MYO15A: variants seen among roughly 807,000 people sequenced by gnomAD.
The protein encoded by MYO15A is unconventional myosin-XV.
Under a neutral mutation model 394.6 loss-of-function variants are expected in MYO15A, and 308 were observed. The observed-to-expected ratio is 0.78, with a 90% confidence interval of 0.71 to 0.86. MYO15A has a LOEUF of 0.86. Among genes scored for constraint, MYO15A ranks in the 40% least tolerant of loss-of-function variants. The pLI, the probability that MYO15A is intolerant of heterozygous loss-of-function variation, is 0.00. For synonymous variants in MYO15A, 1,957 were observed against 2,003.8 expected, an observed-to-expected ratio of 0.98 and a Z score of 0.62; for missense variants, 4,606 against 4,799.1, an observed-to-expected ratio of 0.96 and a Z score of 1.19.
chr17:18,169,157 T>TAATTAA lies in MYO15A; in HGVS notation c.10082+1436_10082+1437insTTAAAA, dbSNP rs369888022. On this transcript the variant is annotated intron_variant, in intron 62 of 65. Transcript: ENST00000647165. ...ATAATAATAATAATAATAATAATAA[T>TAATTAA]AAAAATAGGCTGGGCACAGTGGCTC... 9.2e-4 allele frequency among the ~76,000 whole-genome samples: 85 copies of TAATTAA among 92,132 alleles called. 1 individual carries two copies. Among genetic ancestry groups the TAATTAA allele is most frequent in the Admixed American group, 7.5e-3 (72 of 9,606 alleles). The allele number at this position is 92,132 out of a possible 152,430, so 60.4% of individuals were successfully genotyped here. A position where few individuals can be genotyped will look rare whatever the true frequency, so the allele number is the denominator to read the frequency against.
At chr17:18,175,824 C>A (rs906023198) in intron 65 of MYO15A, among the ~76,000 whole-genome samples, 2 of 152,158 alleles carry the variant, frequency 1.3e-5, no homozygotes, top group African/African-American at 2.4e-5. Context: ...GGGAGTCCTT[C>A]CCATCCCTGT....
At chr17:18,154,002 G>C (rs1027467738) in intron 43 of MYO15A, 106 bp downstream of exon 43, 4 of 1,605,436 alleles carry the variant, frequency 2.5e-6, no homozygotes, top group Non-Finnish European at 3.4e-6. Flanking sequence ...CAGGAGGACA[G>C]AAAAAGGCCG....
intron 55 of MYO15A, 25 bp from the exon 56 acceptor site, chr17:18,159,910 G>A (rs375462035): frequency 6.2e-6 from 10 of 1,612,754 alleles, no homozygotes; most frequent in Non-Finnish European, 7.6e-6. Context: ...TGTCTTTGGT[G>A]TGTAACCTCC....
Position 18,172,214 on chromosome 17 carries a change from G to A in MYO15A, c.10274G>A (p.Ser3425Asn). ...GSSFFFIQSCSNIAVPAPCIL... is the reference protein window; with the variant it reads ...GSSFFFIQSCNNIAVPAPCIL... ...TCCTTCTTCTTCATCCAGAGCTGCA[G>A]CAACATTGCTGTGCCAGCCCCTTGC... is the stretch of plus-strand genomic sequence containing the variant. Residue 3425 changes from serine (S) to asparagine (N), a missense_variant, in exon 64 of 66, where the codon AGC becomes AAC. Transcript: ENST00000647165. 6.2e-7 allele frequency: 1 copy of A among 1,614,216 alleles called. No homozygotes were observed. The highest frequency in any genetic ancestry group is 8.5e-7 in the Non-Finnish European group (1 of 1,180,048).
chr17:18,143,538 C>T (rs2046419399), intron 25 of MYO15A, 28 bp from the exon 26 acceptor site: 1 of 1,550,778 alleles, frequency 6.4e-7, no homozygotes, highest in Non-Finnish European at 8.7e-7. Context: ...GCCTGCCACT[C>T]CCCAACCTGA....
chr17:18,120,797 C>A lies in MYO15A; in HGVS notation c.1997C>A (p.Pro666His). 1.5e-6 allele frequency: 2 copies of A among 1,304,996 alleles called. No homozygotes were observed. The highest frequency in any genetic ancestry group is 3.6e-5 in the East Asian group (1 of 27,420). 80.8% of individuals were successfully genotyped at this position (1,304,996 alleles called of 1,614,324 possible). A position where few individuals can be genotyped will look rare whatever the true frequency, so the allele number is the denominator to read the frequency against. ...AGCGCGCTCCTGTCTCCGCCCGTGCCCCCGCGGCCCCCAAGCTCCGGGCCC... is the reference window on the plus strand; with the variant it reads ...AGCGCGCTCCTGTCTCCGCCCGTGCACCCGCGGCCCCCAAGCTCCGGGCCC... The part of the protein sequence containing the change: ...HWSALLSPPV[P>H]PRPPSSGPPP... Residue 666 changes from proline (P) to histidine (H), a missense_variant, in exon 2 of 66, where the codon CCC (proline) becomes CAC (histidine). Pro to His is a moderately conservative substitution (Grantham distance 77). This residue lies in a region of MYO15A where 1,830 missense variants were observed against 1,689.7 expected (regional missense o/e 1.08). Coordinates refer to ENST00000647165, the MANE Select transcript of MYO15A (RefSeq NM_016239.4).
At position 18,178,981 on chromosome 17, in the gene MYO15A, AG is replaced by A; in HGVS notation, c.*113del. 1.8e-6 allele frequency: 2 copies of A among 1,110,026 alleles called. No homozygotes were observed. The highest frequency in any genetic ancestry group is 2.6e-6 in the Non-Finnish European group (2 of 755,842). The allele number at this position is 1,110,026 out of a possible 1,614,324, so 68.8% of individuals were successfully genotyped here. ...CCCCTGTAAGGGGCCAGAGCCTTGG[AG>A]GACACTAAGAGGAGGCAGGAGGAGC... On this transcript the variant is annotated 3_prime_UTR_variant, in exon 66 of 66. Coordinates refer to ENST00000647165, the MANE Select transcript of MYO15A (RefSeq NM_016239.4).
chr17:18,115,764 A>G (rs2045776311), intron 1 of MYO15A, among the ~76,000 whole-genome samples: 1 of 151,900 alleles, frequency 6.6e-6, no homozygotes. Flanking sequence ...CTCACCACCC[A>G]GTGCACCCCC....
In MYO15A at chr17:18,158,573, G is replaced by A; in HGVS notation, c.9018G>A (p.Ala3006=). 6.2e-7 allele frequency: 1 copy of A among 1,614,152 alleles called. No homozygotes were observed. Among genetic ancestry groups the A allele is most frequent in the South Asian group, 1.1e-5 (1 of 91,084 alleles). Residue 3006 remains alanine (A), a synonymous_variant, in exon 52 of 66, where the codon GCG becomes GCA. Transcript: ENST00000647165. ...RSADHGEDAL[A]LPPYTMLEFA... ...CTGACCATGGGGAGGACGCCCTGGC[G>A]CTCCCACCCTACACAATGCTCGAGT...
rs758778507 is a variant in MYO15A, at chr17:18,125,204, G to C, written c.3729G>C (p.Lys1243Asn). Residue 1243 changes from lysine to asparagine, a missense_variant, in exon 4 of 66, where the codon AAG becomes AAC. By Grantham distance (94) the Lys-to-Asn change is moderately conservative (BLOSUM62 0). This residue lies in a region of MYO15A where 2,776 missense variants were observed against 3,109.3 expected (regional missense o/e 0.89). Coordinates refer to ENST00000647165, the MANE Select transcript of MYO15A (RefSeq NM_016239.4). The stretch of plus-strand genomic sequence containing the variant: ...AAACCACTGTGCTGTCCAACCTCAA[G>C]ATTAGATTTGAACGGAACCTCATCT... ...LQETTVLSNL[K>N]IRFERNLIYT... The C allele has an allele frequency of 6.2e-7, 1 of 1,614,044 alleles. No homozygotes were observed. Among genetic ancestry groups the C allele is most frequent in the Non-Finnish European group, 8.5e-7 (1 of 1,180,046 alleles).
rs1460369043 is a variant in MYO15A, at chr17:18,173,904, C to T, written c.10474C>T (p.Gln3492Ter). Residue 3492 changes from glutamine to a stop codon, truncating the protein, a stop_gained, in exon 65 of 66, where the codon CAG becomes TAG. Coordinates refer to ENST00000647165, the MANE Select transcript of MYO15A (RefSeq NM_016239.4). LOFTEE classifies it high-confidence loss of function. ...GGACGTGGCGGCCCAGCGCACCTTG[C>T]AGCTGCAGCTGGAGCAGGTGGGCCC... ...LGDVAAQRTL[Q>*]LQLEQGLELC... The T allele has an allele frequency of 6.2e-7, 1 of 1,613,412 alleles. No individual in the cohort carries two copies. The highest frequency in any genetic ancestry group is 1.7e-5 in the Admixed American group (1 of 60,012).
chr17:18,159,620 A>G lies in MYO15A; in HGVS notation c.9244A>G (p.Met3082Val). The change falls in exon 55 of 66, where the codon ATG becomes GTG. Residue 3082 changes from methionine (M) to valine (V), a missense_variant. Met to Val is a conservative substitution (Grantham distance 21, BLOSUM62 1). Transcript: ENST00000647165. ...CTTTCCTACAGCTGTAATGAGGTTCATGGGGGATGCCCCACTGAAGGGCCA... is the reference window on the plus strand; with the variant it reads ...CTTTCCTACAGCTGTAATGAGGTTCGTGGGGGATGCCCCACTGAAGGGCCA... ...TDMFLAVMRF[M>V]GDAPLKGQSD... 5 of 1,614,098 alleles carry G rather than the reference A, an allele frequency of 3.1e-6. No homozygotes were observed. The highest frequency in any genetic ancestry group is 4.2e-6 in the Non-Finnish European group (5 of 1,180,012).
chr17:18,163,829 A>T lies in MYO15A; in HGVS notation c.9778A>T (p.Thr3260Ser). ...AFNEYVIFVV[T>S]NRGQHVCPLS... The stretch of plus-strand genomic sequence containing the variant: ...CAATGAATATGTTATCTTCGTTGTC[A>T]CCAACCGTGGTGAGTGCCAGGAAGA... The change falls in exon 60 of 66, where the codon ACC (threonine) becomes TCC (serine). Residue 3260 changes from threonine (T) to serine (S), a missense_variant. Coordinates refer to ENST00000647165, the MANE Select transcript of MYO15A (RefSeq NM_016239.4). 2.5e-6 allele frequency: 4 copies of T among 1,613,572 alleles called. No homozygotes were observed. In the Admixed American group the frequency reaches 5.0e-5, roughly 20 times the overall value.
At chr17:18,164,079 T>G in intron 60 of MYO15A, 2 of 561,672 alleles carry the variant, frequency 3.6e-6, no homozygotes, top group East Asian at 3.2e-5. Context: ...TCCCTCCCTT[T>G]GTCCCTCAGG....
rs765619745 is a variant in MYO15A at position 18,154,765 on chromosome 17, G to A, written c.8224+10G>A. The A allele has an allele frequency of 6.2e-7, 1 of 1,612,802 alleles. No individual in the cohort carries two copies. The highest frequency in any genetic ancestry group is 1.3e-5 in the African/African-American group (1 of 74,896). ...ATGAAGGCCTTGTTTGGTATCTCGG[G>A]GGAGAGGAGGGGTACTGATGGGGCA... On this transcript the variant is annotated intron_variant, in intron 45 of 65. Transcript: ENST00000647165.
In MYO15A at chr17:18,132,058, T is replaced by G. The variant is rs186873953; in HGVS notation, c.4207-395T>G. On this transcript the variant is annotated intron_variant, in intron 10 of 65. Transcript: ENST00000647165. The surrounding 1 kb of genome is among the most constrained non-coding windows in gnomAD (Gnocchi z 4.6). ...CTTCTCTCTACGTTGTTCCCCACTA[T>G]GTCCCAAGGGCCTAGGACAGGGCTT... 2.2e-4 allele frequency among the ~76,000 whole-genome samples: 33 copies of G among 152,316 alleles called. No homozygotes were observed. Among genetic ancestry groups the G allele is most frequent in the Non-Finnish European group, 3.7e-4 (25 of 68,018 alleles).
At position 18,120,749 on chromosome 17, in the gene MYO15A, C is replaced by T; in HGVS notation, c.1949C>T (p.Ala650Val). 4.1e-6 allele frequency: 6 copies of T among 1,454,854 alleles called. No homozygotes were observed. Among genetic ancestry groups the T allele is most frequent in the East Asian group, 3.0e-5 (1 of 33,810 alleles). The allele number at this position is 1,454,854 out of a possible 1,614,324, so 90.1% of individuals were successfully genotyped here. The part of the protein sequence containing the change: ...DARRPPAPQP[A>V]PRTLSHWSAL... ...CGCCGCCCGCCCGCGCCACAGCCCG[C>T]GCCCAGGACCCTCTCCCACTGGAGC... The change falls in exon 2 of 66, where the codon GCG becomes GTG. Residue 650 changes from alanine (A) to valine (V), a missense_variant. Transcript: ENST00000647165.
chr17:18,135,633 G>T (rs1005057838), intron 12 of MYO15A, 78 bp from the exon 13 acceptor site: 46 of 1,394,982 alleles, frequency 3.3e-5, no homozygotes, highest in Non-Finnish European at 9.0e-6. Flanking sequence ...GAGCCACAGT[G>T]CCCGGCCCTG....
chr17:18,115,617 CA>C (rs200779623), intron 1 of MYO15A, among the ~76,000 whole-genome samples: 10 of 147,778 alleles, frequency 6.8e-5, no homozygotes, highest in East Asian at 3.9e-4. Flanking sequence ...GACTCTGTCT[CA>C]AAAAAAAAAG....
Sources: gnomAD v4.1 joint callset for allele counts (sites outside exome capture counted in the v4.1 genomes callset) on GRCh38, gnomAD v4.1.1 for gene constraint, gnomAD v4.1.1 regional missense constraint, Gnocchi (gnomAD v3.1) non-coding constraint, MANE v1.5 for transcripts, NCBI Gene and HGNC (gene_info 2026-07-23, HGNC 2026-07-21) for gene names.